OXR1: variants seen among roughly 807,000 people sequenced by gnomAD.
The protein encoded by OXR1 is oxidation resistance protein 1.
A neutral mutation model predicts 104.6 loss-of-function variants in OXR1; 41 were observed. The observed-to-expected ratio is 0.39, with a 90% CI of 0.31 to 0.51. The LOEUF (loss-of-function observed/expected upper bound fraction) is 0.51. Ranked by LOEUF, OXR1 falls within the 20% of genes least tolerant of loss-of-function variation. OXR1 has a pLI of 0.77. For synonymous variants in OXR1, 348 were observed against 348.4 expected (o/e 1.00, Z 0.01); for missense variants, 955 against 1,031.9 (o/e 0.93, Z 1.02).
intron 2 of OXR1, among the ~76,000 whole-genome samples, chr8:106,487,884 C>T (rs1464240365): frequency 3.3e-5 from 5 of 151,930 alleles, no homozygotes; most frequent in South Asian, 4.2e-4. Context: ...AATAAACATA[C>T]GTATGCATGT....
chr8:106,460,593 C>T (rs1307353797), intron 2 of OXR1, among the ~76,000 whole-genome samples: 1 of 152,170 alleles, frequency 6.6e-6, no homozygotes, highest in Non-Finnish European at 1.5e-5. Context: ...TGGGCAAAAC[C>T]AGGTTCACTG....
chr8:106,731,675 C>T (rs1833906326), intron 11 of OXR1, among the ~76,000 whole-genome samples: 1 of 151,978 alleles, frequency 6.6e-6, no homozygotes. Context: ...GTCTTTACTC[C>T]TTTGTTAAAA....
Position 106,666,607 on chromosome 8 carries a change from A to T in OXR1, c.221-12603A>T, listed in dbSNP as rs115162833. Among the ~76,000 whole-genome samples, 322 of 152,304 alleles carry T rather than the reference A, an allele frequency of 2.1e-3. 1 individual carries two copies. The highest frequency in any genetic ancestry group is 7.4e-3 in the African/African-American group (306 of 41,580). ...ATGGGCAAGTGGGAATTTCTAGCCA[A>T]GGAGTAGAGTAAGGATAGATGGATG... On this transcript the variant is annotated intron_variant, in intron 3 of 16. Coordinates refer to ENST00000517566, the MANE Select transcript of OXR1 (RefSeq NM_001198533.2).
At chr8:106,577,155 G>A (rs1359495657) in intron 3 of OXR1, among the ~76,000 whole-genome samples, 2 of 151,366 alleles carry the variant, frequency 1.3e-5, no homozygotes, top group African/African-American at 4.8e-5. Context: ...ATATATGTCA[G>A]TTTTTACATT....
At chr8:106,618,898 G>A (rs992865885) in intron 3 of OXR1, among the ~76,000 whole-genome samples, 7 of 150,560 alleles carry the variant, frequency 4.6e-5, no homozygotes, top group Non-Finnish European at 1.0e-4. Context: ...TTTTTTGGTT[G>A]AAGTTTTGGT....
At chr8:106,536,162 G>A (rs1465446346) in intron 3 of OXR1, among the ~76,000 whole-genome samples, 1 of 151,794 alleles carries the variant, frequency 6.6e-6, no homozygotes, top group Non-Finnish European at 1.5e-5. Context: ...GGAGCTTGCA[G>A]TGAGCAGAGA....
In OXR1 at chr8:106,322,537, A is replaced by G. The variant is rs572207761; in HGVS notation, c.-138-36939A>G. Among the ~76,000 whole-genome samples, 3 of 152,278 alleles carry G rather than the reference A, an allele frequency of 2.0e-5. No individual in the cohort carries two copies. In the South Asian group the frequency reaches 6.2e-4, roughly 32 times the overall value. On this transcript the variant is annotated intron_variant, in intron 1 of 16. Coordinates refer to ENST00000517566, the MANE Select transcript of OXR1 (RefSeq NM_001198533.2). ...CACAGTATTGGAAGTCCTAACCAAA[A>G]CAATCAGGCAGGAGAAAGAAATAAA...
Position 106,499,186 on chromosome 8 carries a change from A to G in OXR1, c.24-19757A>G, listed in dbSNP as rs1811611249. Among the ~76,000 whole-genome samples, 2 of 15,852 alleles carry G rather than the reference A, an allele frequency of 1.3e-4. 1 individual carries two copies. Among genetic ancestry groups the G allele is most frequent in the Admixed American group, 1.3e-3 (2 of 1,538 alleles). The allele number at this position is 15,852 out of a possible 152,430, so 10.4% of individuals were successfully genotyped here. A position where few individuals can be genotyped will look rare whatever the true frequency, so the allele number is the denominator to read the frequency against. Reference sequence around the variant, plus strand: ...TCCGTCTCAAAAAAAAAAAAAAAAAAAAAAAAAGAATTAGGAGATGTTTAA... The same window carrying G: ...TCCGTCTCAAAAAAAAAAAAAAAAAGAAAAAAAGAATTAGGAGATGTTTAA... On this transcript the variant is annotated intron_variant, in intron 2 of 16. Coordinates refer to ENST00000517566, the MANE Select transcript of OXR1 (RefSeq NM_001198533.2).
intron 3 of OXR1, among the ~76,000 whole-genome samples, chr8:106,663,328 A>C (rs1460318065): frequency 6.6e-6 from 1 of 152,236 alleles, no homozygotes; most frequent in African/African-American, 2.4e-5. Flanking sequence ...GATAGGGGAA[A>C]AATGTGAGAA....
intron 2 of OXR1, among the ~76,000 whole-genome samples, chr8:106,385,421 G>A (rs1817333759): frequency 6.6e-6 from 1 of 152,134 alleles, no homozygotes. Flanking sequence ...CCAGATCTTA[G>A]TTGAGCTTAC....
At chr8:106,442,572 T>A in intron 2 of OXR1, among the ~76,000 whole-genome samples, 1 of 152,190 alleles carries the variant, frequency 6.6e-6, no homozygotes, top group Non-Finnish European at 1.5e-5. Flanking sequence ...GGTAGGCTAT[T>A]AATTACTACC....
chr8:106,528,064 C>T (rs760221825), intron 3 of OXR1, among the ~76,000 whole-genome samples: 1 of 152,038 alleles, frequency 6.6e-6, no homozygotes, highest in Non-Finnish European at 1.5e-5. Flanking sequence ...AGTGACTGTC[C>T]TTTCCATTTT....
At chr8:106,589,281 G>A (rs1378095325) in intron 3 of OXR1, among the ~76,000 whole-genome samples, 1 of 151,400 alleles carries the variant, frequency 6.6e-6, no homozygotes, top group East Asian at 1.9e-4. Context: ...CACACCTTAG[G>A]TTGTAAATTG....
intron 12 of OXR1, 78 bp downstream of exon 12, chr8:106,737,678 C>A: frequency 2.0e-6 from 1 of 504,948 alleles, no homozygotes; most frequent in Non-Finnish European, 3.2e-6. Context: ...TGGCAAATCT[C>A]ATTTGAAGAA....
intron 1 of OXR1, among the ~76,000 whole-genome samples, chr8:106,276,925 G>A (rs1295625820): frequency 1.3e-5 from 2 of 152,140 alleles, no homozygotes; most frequent in African/African-American, 2.4e-5. Context: ...TATGCATAAT[G>A]TCTTTCAACT....
intron 3 of OXR1, among the ~76,000 whole-genome samples, chr8:106,621,034 T>C (rs1033327580): frequency 6.6e-6 from 1 of 152,174 alleles, no homozygotes; most frequent in African/African-American, 2.4e-5. Flanking sequence ...ATACGACCCA[T>C]TAACTAGCTT....
chr8:106,406,070 G>A (rs1818225030), intron 2 of OXR1, among the ~76,000 whole-genome samples: 1 of 152,162 alleles, frequency 6.6e-6, no homozygotes. Context: ...AGCATCTGCA[G>A]GCTGTGTGGC....
rs181574903 is a variant in OXR1, at chr8:106,597,326, G to A, written c.220+78187G>A. ...CACTCCTGTGAAGTTAGAGTGAGAT[G>A]ATGTCTGCCTGTGAGAAAGCAGGCT... On this transcript the variant is annotated intron_variant, in intron 3 of 16. Transcript: ENST00000517566. Among the ~76,000 whole-genome samples, 592 of 152,242 alleles carry A rather than the reference G, an allele frequency of 3.9e-3. 2 individuals are homozygous for A. Among genetic ancestry groups the A allele is most frequent in the Non-Finnish European group, 7.2e-3 (489 of 68,014 alleles).
At position 106,706,561 on chromosome 8, in the gene OXR1, T is replaced by A. The variant is rs755734433; in HGVS notation, c.1040T>A (p.Ile347Lys). 2 of 1,611,652 alleles carry A rather than the reference T, an allele frequency of 1.2e-6. No homozygotes were observed. The highest frequency in any genetic ancestry group is 2.2e-5 in the South Asian group (2 of 90,460). Reference sequence around the variant, plus strand: ...TTCACAGAATCAGAACTTTCCCCTATACGAGAGGAGCTTGTATCTTCAGAT... The same window carrying A: ...TTCACAGAATCAGAACTTTCCCCTAAACGAGAGGAGCTTGTATCTTCAGAT... ...DVFTESELSPIREELVSSDEL... is the reference protein window; with the variant it reads ...DVFTESELSPKREELVSSDEL... Residue 347 changes from isoleucine (I) to lysine (K), a missense_variant, in exon 9 of 17, where the codon ATA becomes AAA. By Grantham distance (102) the Ile-to-Lys change is moderately radical. Coordinates refer to ENST00000517566, the MANE Select transcript of OXR1 (RefSeq NM_001198533.2).
Sources: gnomAD v4.1 joint callset for allele counts (sites outside exome capture counted in the v4.1 genomes callset) on GRCh38, gnomAD v4.1.1 for gene constraint, MANE v1.5 for transcripts, NCBI Gene and HGNC (gene_info 2026-07-23, HGNC 2026-07-21) for gene names.